Variants in KCTD2 observed in about 807,000 individuals in gnomAD.
KCTD2 encodes BTB/POZ domain-containing protein KCTD2.
KCTD2 carries 18 observed loss-of-function variants against 27.9 expected under a neutral mutation model. The ratio of observed to expected loss-of-function variants is 0.64; its 90% CI spans 0.45 to 0.96. KCTD2 has a LOEUF of 0.96. KCTD2 is among the 40% of genes least tolerant of loss of function. The probability of loss-of-function intolerance (pLI) is 0.00; values close to 1 mark genes in which losing one functional copy is unlikely to be tolerated. For synonymous variants in KCTD2, 175 were observed against 148.4 expected (o/e 1.18, Z -1.30); for missense variants, 280 against 348.0 (o/e 0.80, Z 1.56).
chr17:75,034,789 AG>A (rs2040098720), intron 2 of KCTD2, among the ~76,000 whole-genome samples: 1 of 152,062 alleles, frequency 6.6e-6, no homozygotes, highest in Non-Finnish European at 1.5e-5. Flanking sequence ...ACGAGGGCGG[AG>A]GGAAGAACAA....
At chr17:75,045,866 G>C (rs946176907), upstream of KCTD2, among the ~76,000 whole-genome samples, 2 of 152,184 alleles carry the variant, frequency 1.3e-5, no homozygotes, top group Non-Finnish European at 2.9e-5. Flanking sequence ...GTATTGACTG[G>C]GGAAGTGATA....
Position 75,056,952 on chromosome 17 carries a change from CTTTTTTTTTTT to C in KCTD2, c.541-2549_541-2539del, listed in dbSNP as rs35875644. Among the ~76,000 whole-genome samples the C allele has an allele frequency of 2.7e-4, 29 of 108,014 alleles. No homozygotes were observed. The South Asian group carries it at 2.7e-3, about 10-fold the overall frequency. The allele number at this position is 108,014 out of a possible 152,430, so 70.9% of individuals were successfully genotyped here. On this transcript the variant is annotated intron_variant, in intron 3 of 5. Transcript: ENST00000322444. ...CTCTGTTTCTTTTTTTTTCTTTTTT[CTTTTTTTTTTT>C]TTTTTTTTGGAGACAGAGTCTCGCT... is the stretch of plus-strand genomic sequence containing the variant.
intron 1 of KCTD2, among the ~76,000 whole-genome samples, chr17:75,033,700 T>A (rs996723898): frequency 1.3e-5 from 2 of 152,216 alleles, no homozygotes; most frequent in African/African-American, 4.8e-5. Flanking sequence ...CCATGGGGCG[T>A]CCCAGTGCCG....
At position 75,047,616 on chromosome 17, in the gene KCTD2, C is replaced by T. The variant is rs764087405; in HGVS notation, c.339+27C>T. On this transcript the variant is annotated intron_variant, in intron 1 of 5. Transcript: ENST00000322444. ...TGTGCCCCGCCCTCGGGCGCGCCCCCGGGCCTTCGAACCCCCTGGTTTCTC... is the reference window on the plus strand; with the variant it reads ...TGTGCCCCGCCCTCGGGCGCGCCCCTGGGCCTTCGAACCCCCTGGTTTCTC... The T allele has an allele frequency of 2.5e-6, 4 of 1,590,342 alleles. No individual in the cohort carries two copies. In the Admixed American group the frequency reaches 6.9e-5, roughly 28 times the overall value.
rs527317386 is a variant in KCTD2 at position 75,052,673 on chromosome 17, A to C, written c.449-341A>C. On this transcript the variant is annotated intron_variant, in intron 2 of 5. Coordinates refer to ENST00000322444, the MANE Select transcript of KCTD2 (RefSeq NM_015353.3). ...AGCAGGCGGAGTTTGCAGTGAGCCAAGATCATGCCATTGCACTCCAACCTG... is the reference window on the plus strand; with the variant it reads ...AGCAGGCGGAGTTTGCAGTGAGCCACGATCATGCCATTGCACTCCAACCTG... 5.3e-5 allele frequency among the ~76,000 whole-genome samples: 8 copies of C among 152,336 alleles called. No homozygotes were observed. The East Asian group carries it at 1.3e-3, about 26-fold the overall frequency.
chr17:75,039,834 C>T (rs1387056871), intron 3 of KCTD2: 6 of 477,218 alleles, frequency 1.3e-5, no homozygotes, highest in Non-Finnish European at 2.2e-5. Context: ...CATCCCCAGG[C>T]AGCCACTGTA....
At chr17:75,038,280 G>GC (rs886392099) in intron 3 of KCTD2, among the ~76,000 whole-genome samples, 17 of 151,762 alleles carry the variant, frequency 1.1e-4, no homozygotes, top group Admixed American at 6.6e-4. Context: ...GATTACAGGC[G>GC]CCCCCCGCCC....
At chr17:75,059,477 G>A in intron 3 of KCTD2, 33 bp from the exon 4 acceptor site, 1 of 1,520,196 alleles carries the variant, frequency 6.6e-7, no homozygotes, top group Non-Finnish European at 9.1e-7. Flanking sequence ...GGTGTCCTTG[G>A]TGCTGTTCTC....
At chr17:75,039,388 G>A (rs2073135550) in intron 3 of KCTD2, 1 of 906,660 alleles carries the variant, frequency 1.1e-6, no homozygotes, top group East Asian at 2.5e-5. Context: ...TGGAGAAACT[G>A]TGGTTACCCT....
intron 4 of KCTD2, 49 bp from the exon 5 acceptor site, chr17:75,062,071 G>A: frequency 6.2e-7 from 1 of 1,610,048 alleles, no homozygotes; most frequent in Non-Finnish European, 8.5e-7. Context: ...ACTTTCGAAA[G>A]TATGTTAAGA....
rs1464119313 is a variant in KCTD2 at position 75,062,155 on chromosome 17, T to C, written c.672T>C (p.Asn224=). The C allele has an allele frequency of 6.2e-7, 1 of 1,614,032 alleles. No homozygotes were observed. The highest frequency in any genetic ancestry group is 1.1e-5 in the South Asian group (1 of 91,062). Residue 224 remains asparagine (N), a synonymous_variant, in exon 5 of 6, where the codon AAT becomes AAC. Transcript: ENST00000322444. ...ISIGSSYNYG[N]EDQAEFLCVV... The stretch of plus-strand genomic sequence containing the variant: ...TCGGATCTTCCTATAACTACGGCAA[T>C]GAGGATCAGGCAGAATTCCTCTGTG...
At chr17:75,057,599 G>A (rs1272614727) in intron 3 of KCTD2, among the ~76,000 whole-genome samples, 5 of 139,690 alleles carry the variant, frequency 3.6e-5, no homozygotes, top group Admixed American at 1.5e-4. Context: ...TTACTCTGTC[G>A]CCCAGGCTGG....
upstream of KCTD2, among the ~76,000 whole-genome samples, chr17:75,046,336 C>A (rs532341857): frequency 3.3e-5 from 5 of 152,314 alleles, 1 homozygote; most frequent in African/African-American, 1.2e-4. Flanking sequence ...CCCGCCTTGG[C>A]CTCCTAAAAT....
chr17:75,050,901 T>C (rs56267297), intron 2 of KCTD2, among the ~76,000 whole-genome samples: 24,698 of 151,520 alleles, frequency 0.16, 3,125 homozygotes, highest in East Asian at 0.58. Flanking sequence ...TGGTCTCAAA[T>C]GTCTGGCCTC....
intron 2 of KCTD2, chr17:75,034,177 A>G (rs1243972194): frequency 6.6e-6 from 1 of 152,040 alleles, no homozygotes; most frequent in Non-Finnish European, 1.5e-5. Context: ...AGGGCCCCAC[A>G]ATTTCGAAGC....
chr17:75,039,003 C>T (rs777088196), intron 3 of KCTD2: 2 of 1,614,102 alleles, frequency 1.2e-6, no homozygotes, highest in African/African-American at 1.3e-5. Flanking sequence ...TCTGGGAAAG[C>T]TTCATTCAAG....
chr17:75,044,221 CGG>C (rs1254888745), upstream of KCTD2, among the ~76,000 whole-genome samples: 814 of 108,292 alleles, frequency 7.5e-3, 66 homozygotes, highest in African/African-American at 0.024. Flanking sequence ...TTTTTTGAGA[CGG>C]AGTCTCGCTC....
At chr17:75,046,384 ATTTT>A (rs932125550), upstream of KCTD2, among the ~76,000 whole-genome samples, 1 of 152,076 alleles carries the variant, frequency 6.6e-6, no homozygotes, top group African/African-American at 2.4e-5. Context: ...GCCCGGCGAA[ATTTT>A]TTTTAATTCT....
At chr17:75,046,591 A>T (rs2073220370), upstream of KCTD2, among the ~76,000 whole-genome samples, 1 of 152,216 alleles carries the variant, frequency 6.6e-6, no homozygotes, top group Non-Finnish European at 1.5e-5. Flanking sequence ...TCGGCAGGTT[A>T]ACACTGTCTG....
Sources: allele counts gnomAD v4.1 joint callset (sites outside exome capture counted in the v4.1 genomes callset), GRCh38; gene constraint gnomAD v4.1.1; transcripts MANE v1.5; gene names NCBI Gene and HGNC (gene_info 2026-07-23, HGNC 2026-07-21).